Variants in GALNT13 observed in about 807,000 individuals in gnomAD.
The protein encoded by GALNT13 is UDP-GalNAc:polypeptide N-acetylgalactosaminyltransferase 13.
A neutral mutation model predicts 64.2 loss-of-function variants in GALNT13; 28 were observed. The observed-to-expected ratio is 0.44, with a 90% CI of 0.32 to 0.60. The LOEUF is 0.60. GALNT13 is among the 20% of genes least tolerant of loss of function. GALNT13 has a pLI of 0.05. For missense variants in GALNT13, 577 were observed against 669.8 expected (o/e 0.86, Z 1.53); for synonymous variants, 214 against 224.6 (o/e 0.95, Z 0.42).
intron 3 of GALNT13, among the ~76,000 whole-genome samples, chr2:154,129,170 A>T (rs1188844452): frequency 1.3e-5 from 2 of 152,132 alleles, no homozygotes. Context: ...ATCCTAAACT[A>T]CCTTTTATGG....
At chr2:154,323,761 A>G (rs773255991) in intron 9 of GALNT13, among the ~76,000 whole-genome samples, 1 of 151,892 alleles carries the variant, frequency 6.6e-6, no homozygotes, top group Non-Finnish European at 1.5e-5. Flanking sequence ...AACAAATAAC[A>G]TCAATAATTG....
intron 11 of GALNT13, among the ~76,000 whole-genome samples, chr2:154,414,581 G>A (rs1018905317): frequency 1.3e-5 from 2 of 151,476 alleles, no homozygotes; most frequent in African/African-American, 4.9e-5. Context: ...CATATTTCTA[G>A]CATTATCAGT....
intron 3 of GALNT13, among the ~76,000 whole-genome samples, chr2:154,130,937 CAGATTGGTGCTTTTGTTTCCAA>C (rs71739551): frequency 0.05 from 7,621 of 152,054 alleles, 368 homozygotes; most frequent in African/African-American, 0.13. Flanking sequence ...ATCTGGCAGC[CAGATTGGTGCTTTTGTTTCCAA>C]AGAATTCATG....
chr2:154,188,046 C>G (rs1422383053), intron 4 of GALNT13, among the ~76,000 whole-genome samples: 2 of 148,640 alleles, frequency 1.3e-5, no homozygotes, highest in African/African-American at 4.9e-5. Context: ...CTCTCTCTCT[C>G]TCCTGTTTTT....
the GALNT13 span, among the ~76,000 whole-genome samples, chr2:153,186,075 A>G: frequency 2.0e-5 from 3 of 151,980 alleles, no homozygotes; most frequent in Admixed American, 6.5e-5. Flanking sequence ...GTCTCCTACT[A>G]TTATTGTGTG....
the GALNT13 span, among the ~76,000 whole-genome samples, chr2:153,222,312 G>GCGGGGGGC: frequency 3.8e-4 from 37 of 98,322 alleles, no homozygotes; most frequent in Middle Eastern, 6.0e-3. Flanking sequence ...CTGGCTGGGG[G>GCGGGGGGC]GGGGGGGGGG....
chr2:153,114,724 C>T, the GALNT13 span, among the ~76,000 whole-genome samples: 100 of 152,180 alleles, frequency 6.6e-4, no homozygotes, highest in Non-Finnish European at 1.2e-3. Flanking sequence ...TTTTTCTACT[C>T]TTTTATTGCT....
chr2:153,540,427 G>C, the GALNT13 span, among the ~76,000 whole-genome samples: 1 of 152,180 alleles, frequency 6.6e-6, no homozygotes, highest in Non-Finnish European at 1.5e-5. Flanking sequence ...CCTCTACTAG[G>C]GCAATGAAGA....
chr2:153,836,481 C>T, the GALNT13 span, among the ~76,000 whole-genome samples: 1 of 151,762 alleles, frequency 6.6e-6, no homozygotes, highest in Admixed American at 6.6e-5. Context: ...CTCCCCCATC[C>T]CATAACCTGG....
At chr2:153,574,519 T>C in the GALNT13 span, among the ~76,000 whole-genome samples, 2 of 152,258 alleles carry the variant, frequency 1.3e-5, no homozygotes, top group African/African-American at 2.4e-5. Flanking sequence ...CTAGATTCTG[T>C]AGGCATGCTT....
At chr2:154,011,879 C>A (rs1209325788) in intron 3 of GALNT13, among the ~76,000 whole-genome samples, 1 of 152,116 alleles carries the variant, frequency 6.6e-6, no homozygotes, top group Non-Finnish European at 1.5e-5. Context: ...ATTAGAATAG[C>A]AACTTCTGAT....
At chr2:154,153,828 A>G (rs982020604) in intron 4 of GALNT13, among the ~76,000 whole-genome samples, 10 of 152,178 alleles carry the variant, frequency 6.6e-5, no homozygotes, top group African/African-American at 2.2e-4. Flanking sequence ...TCCAGGTGCC[A>G]TCTGTCACCC....
chr2:153,093,056 T>C, the GALNT13 span, among the ~76,000 whole-genome samples: 17 of 150,976 alleles, frequency 1.1e-4, no homozygotes, highest in Non-Finnish European at 1.3e-4. Flanking sequence ...TTTTTTTTAA[T>C]CATGAAGAGA....
At chr2:154,309,974 G>T (rs943915495) in intron 9 of GALNT13, among the ~76,000 whole-genome samples, 3 of 152,136 alleles carry the variant, frequency 2.0e-5, no homozygotes, top group African/African-American at 7.2e-5. Flanking sequence ...TTCTTCCCAA[G>T]AATTCCACAT....
the GALNT13 span, among the ~76,000 whole-genome samples, chr2:153,097,032 C>A: frequency 2.6e-5 from 4 of 151,490 alleles, no homozygotes; most frequent in Admixed American, 1.3e-4. Flanking sequence ...GTTGTGTGTT[C>A]GTTGTATGTT....
At chr2:153,605,695 C>T in the GALNT13 span, among the ~76,000 whole-genome samples, 1 of 152,054 alleles carries the variant, frequency 6.6e-6, no homozygotes, top group African/African-American at 2.4e-5. Flanking sequence ...GCTTCTACTG[C>T]TGTATAAAAA....
chr2:154,281,936 C>G lies in GALNT13; in HGVS notation c.976-19473C>G, dbSNP rs562053955. Reference sequence around the variant, plus strand: ...AAAAACCTACTTCAAGGTCAATTTGCTAATTCCTTTAGAAAATGAGTAAGT... The same window carrying G: ...AAAAACCTACTTCAAGGTCAATTTGGTAATTCCTTTAGAAAATGAGTAAGT... On this transcript the variant is annotated intron_variant, in intron 8 of 12. Coordinates refer to ENST00000392825, the MANE Select transcript of GALNT13 (RefSeq NM_052917.4). Among the ~76,000 whole-genome samples the G allele has an allele frequency of 1.2e-4, 19 of 152,080 alleles. No individual in the cohort carries two copies. The South Asian group carries it at 3.9e-3, about 32-fold the overall frequency.
chr2:154,448,347 T>C (rs1701699662), intron 12 of GALNT13, among the ~76,000 whole-genome samples: 2 of 151,988 alleles, frequency 1.3e-5, no homozygotes, highest in African/African-American at 2.4e-5. Flanking sequence ...TACAGTTAGA[T>C]AGTTGACTGA....
chr2:153,389,829 A>G, the GALNT13 span, among the ~76,000 whole-genome samples: 3 of 152,084 alleles, frequency 2.0e-5, no homozygotes, highest in Non-Finnish European at 2.9e-5. Context: ...CTGAGACTCA[A>G]TATCTGACTC....
Sources: gnomAD v4.1 joint callset for allele counts (sites outside exome capture counted in the v4.1 genomes callset) on GRCh38, gnomAD v4.1.1 for gene constraint, MANE v1.5 for transcripts, NCBI Gene and HGNC (gene_info 2026-07-23, HGNC 2026-07-21) for gene names.